ZBTB10: variants seen among roughly 807,000 people sequenced by gnomAD.
ZBTB10 encodes the protein zinc finger and BTB domain containing 10, also known as zinc finger and BTB domain-containing protein 10.
Under a neutral mutation model 76.4 loss-of-function variants are expected in ZBTB10, and 32 were observed. The observed-to-expected ratio is 0.42, with a 90% CI of 0.32 to 0.56. The LOEUF (loss-of-function observed/expected upper bound fraction) is 0.56, where lower values mean the gene tolerates loss of function less well. ZBTB10 is among the 20% of genes least tolerant of loss of function. The pLI is 0.14. For missense variants in ZBTB10, 1,057 were observed against 1,098.5 expected, an observed-to-expected ratio of 0.96 and a Z score of 0.53; for synonymous variants, 523 against 432.9, an observed-to-expected ratio of 1.21 and a Z score of -2.58.
Position 80,519,324 on chromosome 8 carries a change from T to G in ZBTB10, c.2412T>G (p.Val804=), listed in dbSNP as rs370560742. The G allele has an allele frequency of 1.2e-6, 2 of 1,613,616 alleles. No homozygotes were observed. The highest frequency in any genetic ancestry group is 4.5e-5 in the East Asian group (2 of 44,884). The change falls in exon 6 of 6, where the codon GTT becomes GTG. Residue 804 remains valine, a synonymous_variant. Coordinates refer to ENST00000455036, the MANE Select transcript of ZBTB10 (RefSeq NM_001105539.3). ...GACATGGATCTCGACGTTATGGTGT[T>G]TGTGTAGACTGTGCAGATAAATCAC... The part of the protein sequence containing the change: ...GIRHGSRRYG[V]CVDCADKSQP...
intron 2 of ZBTB10, among the ~76,000 whole-genome samples, chr8:80,508,680 G>A (rs1816117504): frequency 6.6e-6 from 1 of 152,190 alleles, no homozygotes; most frequent in African/African-American, 2.4e-5. Flanking sequence ...AGTTTGCTAG[G>A]AGGGGAAGAA....
intron 1 of ZBTB10, among the ~76,000 whole-genome samples, chr8:80,490,894 G>A (rs925425434): frequency 7.9e-5 from 12 of 152,200 alleles, no homozygotes; most frequent in African/African-American, 2.9e-4. Flanking sequence ...TAGCGGAGCT[G>A]AAAAATTACT....
rs1815882024 is a variant in ZBTB10 at position 80,500,059 on chromosome 8, A to G, written c.1538A>G (p.Asn513Ser). ...CGGAATCTTACCAATTTGGCAAGTA[A>G]TGTAAAGATTGAAAATGATGGTTGT... ...ATRNLTNLAS[N>S]VKIENDGCNV... The change falls in exon 2 of 6, where the codon AAT becomes AGT. Residue 513 changes from asparagine (N) to serine (S), a missense_variant. Coordinates refer to ENST00000455036, the MANE Select transcript of ZBTB10 (RefSeq NM_001105539.3). 1 of 1,614,016 alleles carries G rather than the reference A, an allele frequency of 6.2e-7. No homozygotes were observed. Among genetic ancestry groups the G allele is most frequent in the South Asian group, 1.1e-5 (1 of 91,084 alleles).
chr8:80,489,072 A>G (rs1342531552), intron 1 of ZBTB10, among the ~76,000 whole-genome samples: 1 of 151,846 alleles, frequency 6.6e-6, no homozygotes, highest in African/African-American at 2.4e-5. Flanking sequence ...TTAAAGATAC[A>G]AGGCCGAGAA....
chr8:80,507,609 A>G (rs1003955328), intron 2 of ZBTB10, among the ~76,000 whole-genome samples: 104 of 150,984 alleles, frequency 6.9e-4, no homozygotes, highest in African/African-American at 2.5e-3. Context: ...GCCAGACTCC[A>G]TCTCAAAAAA....
chr8:80,503,913 A>AG (rs1232951157), intron 2 of ZBTB10, among the ~76,000 whole-genome samples: 3 of 152,204 alleles, frequency 2.0e-5, no homozygotes, highest in Non-Finnish European at 4.4e-5. Flanking sequence ...CTGTTTTTGT[A>AG]GGCTATGTGC....
At chr8:80,487,963 T>G (rs1815524437) in intron 1 of ZBTB10, among the ~76,000 whole-genome samples, 181 bp downstream of exon 1, 1 of 151,886 alleles carries the variant, frequency 6.6e-6, no homozygotes, top group Non-Finnish European at 1.5e-5. Flanking sequence ...TGGGAACAAG[T>G]TTTATAAAAG....
intron 3 of ZBTB10, among the ~76,000 whole-genome samples, chr8:80,517,048 G>A (rs1364762038): frequency 6.6e-6 from 1 of 152,214 alleles, no homozygotes; most frequent in African/African-American, 2.4e-5. Flanking sequence ...TTGGAATAGA[G>A]TGACTGAAAG....
Position 80,487,664 on chromosome 8 carries a change from T to G in ZBTB10, c.854T>G (p.Val285Gly), listed in dbSNP as rs1298430220. Residue 285 changes from valine (V) to glycine (G), a missense_variant, in exon 1 of 6, where the codon GTG becomes GGG. Physicochemically the swap from Val to Gly is moderately radical, Grantham distance 109. Transcript: ENST00000455036. ...CQKTPADGGS[V>G]DLPPVGHDEL... ...AAGACCCCTGCAGATGGGGGAAGCG[T>G]GGACCTTCCCCCAGTGGGGCATGAT... is the stretch of plus-strand genomic sequence containing the variant. The G allele has an allele frequency of 1.2e-6, 2 of 1,613,886 alleles. No individual in the cohort carries two copies. The highest frequency in any genetic ancestry group is 1.7e-6 in the Non-Finnish European group (2 of 1,179,874).
At chr8:80,491,369 C>T (rs1319225570) in intron 1 of ZBTB10, among the ~76,000 whole-genome samples, 1 of 152,108 alleles carries the variant, frequency 6.6e-6, no homozygotes, top group Non-Finnish European at 1.5e-5. Flanking sequence ...GGTTTGTGTA[C>T]GCTAAGGCAC....
rs775670465 is a variant in ZBTB10, at chr8:80,506,562, A to ACC, written c.1861+6189_1861+6190dup. On this transcript the variant is annotated intron_variant, in intron 2 of 5. Coordinates refer to ENST00000455036, the MANE Select transcript of ZBTB10 (RefSeq NM_001105539.3). Reference sequence around the variant, plus strand: ...TTGAACTCCTGACCTCAGGTGATCCACCCCCCCCCCAACCCCCGCCTCAGC... The same window carrying ACC: ...TTGAACTCCTGACCTCAGGTGATCCACCCCCCCCCCCCAACCCCCGCCTCAGC... Among the ~76,000 whole-genome samples the ACC allele has an allele frequency of 6.7e-3, 575 of 85,460 alleles. 9 individuals are homozygous for ACC. Among genetic ancestry groups the ACC allele is most frequent in the African/African-American group, 0.032 (494 of 15,530 alleles). The allele number at this position is 85,460 out of a possible 152,430, so 56.1% of individuals were successfully genotyped here. A position where few individuals can be genotyped will look rare whatever the true frequency, so the allele number is the denominator to read the frequency against.
Position 80,524,049 on chromosome 8 carries a change from A to G in ZBTB10, c.*4521A>G, listed in dbSNP as rs1414553991. Reference sequence around the variant, plus strand: ...AACCTAAAAATATAAACTTGTGAGCACTAAACTGCTTCTGGCTTTGTGAAT... The same window carrying G: ...AACCTAAAAATATAAACTTGTGAGCGCTAAACTGCTTCTGGCTTTGTGAAT... On this transcript the variant is annotated 3_prime_UTR_variant, in exon 6 of 6. Coordinates refer to ENST00000455036, the MANE Select transcript of ZBTB10 (RefSeq NM_001105539.3). 1 of 152,070 alleles carries G rather than the reference A, an allele frequency of 6.6e-6. No homozygotes were observed. Among genetic ancestry groups the G allele is most frequent in the Admixed American group, 6.6e-5 (1 of 15,244 alleles). The allele number at this position is 152,070 out of a possible 1,614,324, so 9.4% of individuals were successfully genotyped here. A position where few individuals can be genotyped will look rare whatever the true frequency, so the allele number is the denominator to read the frequency against.
In ZBTB10 at chr8:80,521,236, G is replaced by A. The variant is rs980499043; in HGVS notation, c.*1708G>A. 6.6e-6 allele frequency: 1 copy of A among 151,752 alleles called. No homozygotes were observed. Among genetic ancestry groups the A allele is most frequent in the African/African-American group, 2.4e-5 (1 of 41,404 alleles). The allele number at this position is 151,752 out of a possible 1,614,324, so 9.4% of individuals were successfully genotyped here. A position where few individuals can be genotyped will look rare whatever the true frequency, so the allele number is the denominator to read the frequency against. On this transcript the variant is annotated 3_prime_UTR_variant, in exon 6 of 6. Coordinates refer to ENST00000455036, the MANE Select transcript of ZBTB10 (RefSeq NM_001105539.3). ...AGTTACATGGTTAGATGCATCTTTT[G>A]TCATCTATATTGTAGTTTCTACATA... is the stretch of plus-strand genomic sequence containing the variant.
chr8:80,518,680 C>G, intron 4 of ZBTB10, 101 bp downstream of exon 4: 1 of 1,480,378 alleles, frequency 6.8e-7, no homozygotes, highest in South Asian at 1.4e-5. Context: ...GTAGCAGTAG[C>G]TCCACATAAT....
chr8:80,500,334 C>T lies in ZBTB10; in HGVS notation c.1813C>T (p.Pro605Ser). 2 of 1,585,790 alleles carry T rather than the reference C, an allele frequency of 1.3e-6. No homozygotes were observed. Among genetic ancestry groups the T allele is most frequent in the Non-Finnish European group, 1.7e-6 (2 of 1,165,748 alleles). ...NLEDCSVMQP[P>S]VAYPEENTLL... Reference sequence around the variant, plus strand: ...AGAAGATTGCTCAGTAATGCAGCCACCTGTTGCCTATCCAGAAGAAAATAC... The same window carrying T: ...AGAAGATTGCTCAGTAATGCAGCCATCTGTTGCCTATCCAGAAGAAAATAC... Residue 605 changes from proline (P) to serine (S), a missense_variant, in exon 2 of 6, where the codon CCT becomes TCT. By Grantham distance (74) the Pro-to-Ser change is moderately conservative. Coordinates refer to ENST00000455036, the MANE Select transcript of ZBTB10 (RefSeq NM_001105539.3).
intron 1 of ZBTB10, among the ~76,000 whole-genome samples, chr8:80,488,435 G>GT (rs1466776227): frequency 3.3e-5 from 5 of 152,068 alleles, no homozygotes; most frequent in Non-Finnish European, 7.4e-5. Flanking sequence ...GTTTTTACTT[G>GT]TTTACTTTTA....
rs1413364013 is a variant in ZBTB10 at position 80,525,094 on chromosome 8, A to G, written c.*5566A>G. 4.6e-5 allele frequency: 7 copies of G among 152,136 alleles called. No homozygotes were observed. The highest frequency in any genetic ancestry group is 2.9e-5 in the Non-Finnish European group (2 of 67,990). The allele number at this position is 152,136 out of a possible 1,614,324, so 9.4% of individuals were successfully genotyped here. On this transcript the variant is annotated 3_prime_UTR_variant, in exon 6 of 6. Transcript: ENST00000455036. ...TAGGAAATTAAGAATTTAGACACCA[A>G]GTTTGGCTTAATAGAAAAAGTCACT...
intron 3 of ZBTB10, among the ~76,000 whole-genome samples, chr8:80,516,857 A>T (rs1816336952): frequency 6.6e-6 from 1 of 152,224 alleles, no homozygotes; most frequent in South Asian, 2.1e-4. Flanking sequence ...ATTCTTAGGA[A>T]ATCCATTTGG....
Position 80,500,010 on chromosome 8 carries a change from A to C in ZBTB10, c.1489A>C (p.Lys497Gln), listed in dbSNP as rs991991365. 2.5e-6 allele frequency: 4 copies of C among 1,613,910 alleles called. No individual in the cohort carries two copies. The African/African-American group carries it at 5.3e-5, about 22-fold the overall frequency. Residue 497 changes from lysine (K) to glutamine (Q), a missense_variant, in exon 2 of 6, where the codon AAA becomes CAA. Physicochemically the swap from Lys to Gln is moderately conservative, Grantham distance 53. Around this residue, in one of 5 missense-constraint regions of ZBTB10, gnomAD observed 306 missense variants for 297.5 expected, o/e 1.03. Transcript: ENST00000455036. ...RDGLSSSRDQ[K>Q]IASFWATRNL... ...TGGTCTGTCTTCATCACGGGATCAA[A>C]AAATTGCCAGTTTTTGGGCAACACG...
Sources: gnomAD v4.1 joint callset for allele counts (sites outside exome capture counted in the v4.1 genomes callset) on GRCh38, gnomAD v4.1.1 for gene constraint, gnomAD v4.1.1 regional missense constraint, MANE v1.5 for transcripts, NCBI Gene and HGNC (gene_info 2026-07-23, HGNC 2026-07-21) for gene names.